The following ANK1 variants were observed in gnomAD, a reference collection of about 807,000 sequenced individuals.
ANK1 encodes the protein ankyrin 1.
In ANK1, 51 loss-of-function variants were observed where a neutral mutation model predicts 210.4. The observed-to-expected ratio is 0.24, with a 90% CI of 0.19 to 0.31. ANK1 has a LOEUF of 0.31. Ranked by LOEUF, ANK1 falls within the 10% of genes least tolerant of loss-of-function variation. The probability of loss-of-function intolerance (pLI) is 1.00; values close to 1 mark genes in which losing one functional copy is unlikely to be tolerated. For synonymous variants in ANK1, 967 were observed against 1,025.9 expected (o/e 0.94, Z 1.10); for missense variants, 2,051 against 2,504.4 (o/e 0.82, Z 3.86).
chr8:41,693,469 T>G (rs1819884566), intron 29 of ANK1, among the ~76,000 whole-genome samples: 1 of 113,016 alleles, frequency 8.8e-6, no homozygotes. Context: ...TGGCGTTTCA[T>G]GCTTGTTGCC....
chr8:41,873,846 C>T (rs1816034214), intron 1 of ANK1, among the ~76,000 whole-genome samples: 1 of 152,230 alleles, frequency 6.6e-6, no homozygotes, highest in South Asian at 2.1e-4. Context: ...TGGTCACCAG[C>T]ATGACTGCCT....
Position 41,658,296 on chromosome 8 carries a change from G to A in ANK1, c.*37-2543C>T, listed in dbSNP as rs909436833. ...TTAGGGAAGTCATTTGACTTGCTCC[G>A]AGTCACACTACAAACAAGACCTGCA... On this transcript the variant is annotated intron_variant, in intron 42 of 42. Coordinates refer to ENST00000289734, the MANE Select transcript of ANK1 (RefSeq NM_000037.4). Among the ~76,000 whole-genome samples the A allele has an allele frequency of 1.1e-4, 17 of 152,298 alleles. 1 individual carries two copies. The highest frequency in any genetic ancestry group is 2.2e-4 in the Non-Finnish European group (15 of 68,020).
At chr8:41,881,709 T>C (rs1038064474) in intron 1 of ANK1, among the ~76,000 whole-genome samples, 2 of 152,210 alleles carry the variant, frequency 1.3e-5, no homozygotes, top group Non-Finnish European at 2.9e-5. Flanking sequence ...GATGTTAAAA[T>C]CAGGCGGCTG....
intron 1 of ANK1, among the ~76,000 whole-genome samples, chr8:41,807,435 T>C (rs1053502053): frequency 6.6e-6 from 1 of 152,198 alleles, no homozygotes; most frequent in South Asian, 2.1e-4. Context: ...AAGTCCAGCA[T>C]TGGAAACAGA....
chr8:41,738,771 A>G (rs1444883911), intron 2 of ANK1, among the ~76,000 whole-genome samples: 4 of 152,222 alleles, frequency 2.6e-5, no homozygotes, highest in Non-Finnish European at 4.4e-5. Context: ...CAGCTTGCTG[A>G]GACTTGCTTT....
chr8:41,750,319 T>A (rs1197645284), intron 2 of ANK1, among the ~76,000 whole-genome samples: 2 of 152,190 alleles, frequency 1.3e-5, no homozygotes, highest in East Asian at 3.8e-4. Flanking sequence ...GCACTGGAAA[T>A]CGTGTATGCT....
At chr8:41,764,704 T>C (rs1399923794) in intron 1 of ANK1, among the ~76,000 whole-genome samples, 1 of 152,226 alleles carries the variant, frequency 6.6e-6, no homozygotes, top group Non-Finnish European at 1.5e-5. Context: ...TTAATCTAAT[T>C]CTACCTGTGT....
chr8:41,765,302 A>G (rs1478412471), intron 1 of ANK1, among the ~76,000 whole-genome samples: 2 of 150,326 alleles, frequency 1.3e-5, no homozygotes, highest in African/African-American at 4.9e-5. Flanking sequence ...CCAGTGGTGC[A>G]GTTATAGCTC....
At chr8:41,835,737 A>G (rs181176250) in intron 1 of ANK1, among the ~76,000 whole-genome samples, 1 of 152,380 alleles carries the variant, frequency 6.6e-6, no homozygotes, top group African/African-American at 2.4e-5. Flanking sequence ...TGCAACCTAG[A>G]ACATGTGGTC....
upstream of ANK1, among the ~76,000 whole-genome samples, chr8:41,798,958 G>A (rs929978300): frequency 4.6e-5 from 7 of 152,164 alleles, no homozygotes; most frequent in East Asian, 1.9e-4. Context: ...AGATGCCACC[G>A]AGATCAGCTT....
chr8:41,824,678 A>C (rs765445452), intron 1 of ANK1, among the ~76,000 whole-genome samples: 7 of 152,102 alleles, frequency 4.6e-5, no homozygotes, highest in Non-Finnish European at 1.0e-4. Context: ...GGGCTCTAGG[A>C]AAGGTGGAGC....
At chr8:41,695,437 G>T in intron 26 of ANK1, 106 bp from the exon 27 acceptor site, 1 of 1,503,306 alleles carries the variant, frequency 6.7e-7, no homozygotes, top group Non-Finnish European at 9.2e-7. Flanking sequence ...AGGCACTTCC[G>T]CAGCCACGTG....
intron 1 of ANK1, among the ~76,000 whole-genome samples, chr8:41,884,666 C>T (rs1162897049): frequency 6.6e-6 from 1 of 152,160 alleles, no homozygotes; most frequent in Non-Finnish European, 1.5e-5. Context: ...GAGACTCTGT[C>T]TCTACAAGAA....
chr8:41,687,913 G>A (rs532744185), intron 35 of ANK1, among the ~76,000 whole-genome samples: 3 of 152,154 alleles, frequency 2.0e-5, no homozygotes, highest in Non-Finnish European at 4.4e-5. Context: ...AAGGTCTCCT[G>A]TAAACTCAAA....
At chr8:41,733,222 T>A (rs976129009) in intron 3 of ANK1, among the ~76,000 whole-genome samples, 15 of 152,204 alleles carry the variant, frequency 9.9e-5, no homozygotes, top group Non-Finnish European at 1.8e-4. Context: ...TGTGGATGCC[T>A]GGCGTCGCCC....
intron 1 of ANK1, among the ~76,000 whole-genome samples, chr8:41,885,999 C>T (rs1322436355): frequency 6.6e-6 from 1 of 152,242 alleles, no homozygotes; most frequent in Non-Finnish European, 1.5e-5. Flanking sequence ...AAGGCTAACA[C>T]TGCATTTAAA....
chr8:41,790,366 C>T (rs1344576213), intron 1 of ANK1, among the ~76,000 whole-genome samples: 2 of 152,098 alleles, frequency 1.3e-5, no homozygotes, highest in South Asian at 4.1e-4. Context: ...ATGCTGGTCT[C>T]GAACTCCTGC....
chr8:41,773,326 G>A lies in ANK1; in HGVS notation c.28-15189C>T, dbSNP rs529314923. 3.2e-3 allele frequency among the ~76,000 whole-genome samples: 483 copies of A among 152,266 alleles called. 1 individual carries two copies. Among genetic ancestry groups the A allele is most frequent in the Non-Finnish European group, 5.4e-3 (365 of 68,026 alleles). ...TTTTAAGAGGGTTGGCAGCCCTGGA[G>A]TCTATTTTTAAACCCATGAGAAAGG... On this transcript the variant is annotated intron_variant, in intron 1 of 42. Coordinates refer to ENST00000289734, the MANE Select transcript of ANK1 (RefSeq NM_000037.4).
chr8:41,730,265 G>T (rs1434601976), intron 3 of ANK1, among the ~76,000 whole-genome samples: 1 of 152,158 alleles, frequency 6.6e-6, no homozygotes, highest in African/African-American at 2.4e-5. Context: ...CTGGGGGCTG[G>T]GAAGCAGCTC....
Sources: allele counts gnomAD v4.1 joint callset (sites outside exome capture counted in the v4.1 genomes callset), GRCh38; gene constraint gnomAD v4.1.1; transcripts MANE v1.5; gene names NCBI Gene and HGNC (gene_info 2026-07-23, HGNC 2026-07-21).